The following ZHX2 variants were observed in gnomAD, a reference collection of about 807,000 sequenced individuals.
ZHX2 encodes the protein zinc fingers and homeoboxes protein 2.
Under a neutral mutation model 21.9 loss-of-function variants are expected in ZHX2, and 6 were observed. The ratio of observed to expected loss-of-function variants is 0.27; its 90% CI spans 0.15 to 0.54. The LOEUF is 0.54. ZHX2 is among the 20% of genes least tolerant of loss of function. ZHX2 has a pLI of 0.95. For missense variants in ZHX2, 908 were observed against 1,090.7 expected (o/e 0.83, Z 2.36); for synonymous variants, 434 against 437.1 (o/e 0.99, Z 0.09).
intron 1 of ZHX2, among the ~76,000 whole-genome samples, chr8:122,820,338 G>A (rs1035986263): frequency 1.3e-5 from 2 of 152,208 alleles, no homozygotes; most frequent in African/African-American, 4.8e-5. Context: ...GAGGCGAGGA[G>A]ATGGCCACAG....
chr8:122,876,695 C>T (rs924400350), intron 2 of ZHX2, among the ~76,000 whole-genome samples: 4 of 152,186 alleles, frequency 2.6e-5, no homozygotes, highest in Non-Finnish European at 4.4e-5. Flanking sequence ...CTTTGTACAC[C>T]GATCGGCTAA....
At chr8:122,965,767 T>C (rs1241074023) in intron 3 of ZHX2, among the ~76,000 whole-genome samples, 2 of 152,188 alleles carry the variant, frequency 1.3e-5, no homozygotes, top group African/African-American at 2.4e-5. Flanking sequence ...CCCACTATTA[T>C]TGAGTTGCTG....
At chr8:122,924,969 T>A (rs1820818246) in intron 2 of ZHX2, among the ~76,000 whole-genome samples, 1 of 152,200 alleles carries the variant, frequency 6.6e-6, no homozygotes, top group South Asian at 2.1e-4. Context: ...GTCAGTGACA[T>A]CTTGCTATTA....
chr8:122,939,542 C>T (rs1812790710), intron 2 of ZHX2, among the ~76,000 whole-genome samples: 1 of 152,120 alleles, frequency 6.6e-6, no homozygotes, highest in Non-Finnish European at 1.5e-5. Context: ...GAGTGCTGAG[C>T]TGGAGGCCTG....
chr8:122,897,078 T>C (rs958519011), intron 2 of ZHX2, among the ~76,000 whole-genome samples: 1 of 152,226 alleles, frequency 6.6e-6, no homozygotes, highest in Non-Finnish European at 1.5e-5. Flanking sequence ...CCTTGGCAAC[T>C]TGATAGACCC....
intron 1 of ZHX2, among the ~76,000 whole-genome samples, chr8:122,790,387 C>T (rs1008296018): frequency 6.6e-6 from 1 of 152,184 alleles, no homozygotes; most frequent in African/African-American, 2.4e-5. Flanking sequence ...CTTCCCTCCC[C>T]GCTTTGATTC....
intron 1 of ZHX2, among the ~76,000 whole-genome samples, chr8:122,791,826 C>G (rs920898790): frequency 6.7e-6 from 1 of 150,362 alleles, no homozygotes; most frequent in African/African-American, 2.5e-5. Flanking sequence ...GATCATGCCA[C>G]TGCACTCCAG....
At chr8:122,944,922 GC>G (rs1340647154) in intron 2 of ZHX2, among the ~76,000 whole-genome samples, 2 of 152,116 alleles carry the variant, frequency 1.3e-5, no homozygotes, top group Non-Finnish European at 2.9e-5. Context: ...ATGAGGGTGG[GC>G]CCTAATCCAA....
chr8:122,962,243 C>A (rs1476032586), intron 3 of ZHX2, among the ~76,000 whole-genome samples: 1 of 152,166 alleles, frequency 6.6e-6, no homozygotes, highest in African/African-American at 2.4e-5. Flanking sequence ...GTGTACACTG[C>A]ACCCAATGTG....
chr8:122,786,982 C>A (rs1044509318), intron 1 of ZHX2, among the ~76,000 whole-genome samples: 1 of 150,108 alleles, frequency 6.7e-6, no homozygotes, highest in Non-Finnish European at 1.5e-5. Flanking sequence ...TTCTCTAATG[C>A]CCCCACCCTA....
chr8:122,860,232 A>G (rs1237879616), intron 1 of ZHX2, among the ~76,000 whole-genome samples: 1 of 152,216 alleles, frequency 6.6e-6, no homozygotes, highest in Non-Finnish European at 1.5e-5. Context: ...AGCATGGGGA[A>G]AACCACGCTC....
chr8:122,867,097 G>A (rs1286280011), intron 2 of ZHX2, among the ~76,000 whole-genome samples: 2 of 151,992 alleles, frequency 1.3e-5, no homozygotes, highest in African/African-American at 4.8e-5. Context: ...GCCTCCCAAG[G>A]TGCTGGGGTT....
intron 1 of ZHX2, chr8:122,811,882 C>T (rs1295800792): frequency 6.6e-6 from 1 of 152,210 alleles, no homozygotes; most frequent in East Asian, 1.9e-4. Context: ...TTCAATAAAT[C>T]ACCAACTATC....
chr8:122,966,112 A>G (rs1299765986), intron 3 of ZHX2, among the ~76,000 whole-genome samples: 4 of 152,168 alleles, frequency 2.6e-5, no homozygotes, highest in South Asian at 2.1e-4. Flanking sequence ...TCTGCAATTC[A>G]GTATATTTTA....
chr8:122,900,676 T>G (rs1193170850), intron 2 of ZHX2, among the ~76,000 whole-genome samples: 2 of 152,174 alleles, frequency 1.3e-5, no homozygotes, highest in Admixed American at 1.3e-4. Flanking sequence ...AAGATGGTTG[T>G]TTTCCAAAGT....
chr8:122,830,876 T>G (rs1248091764), intron 1 of ZHX2, among the ~76,000 whole-genome samples: 4 of 152,138 alleles, frequency 2.6e-5, no homozygotes, highest in Non-Finnish European at 5.9e-5. Context: ...AAAAGGGAGA[T>G]GTTTTGTCCA....
At chr8:122,809,086 A>C (rs1398238495) in intron 1 of ZHX2, 1 of 152,224 alleles carries the variant, frequency 6.6e-6, no homozygotes, top group Non-Finnish European at 1.5e-5. Context: ...AGGTTCTTGG[A>C]AAGGAATGGA....
At chr8:122,875,403 C>T (rs1819548859) in intron 2 of ZHX2, among the ~76,000 whole-genome samples, 1 of 151,940 alleles carries the variant, frequency 6.6e-6, no homozygotes, top group East Asian at 1.9e-4. Context: ...CTGTCTGGCC[C>T]TTGACTGAAA....
At chr8:122,846,150 G>A (rs1425944658) in intron 1 of ZHX2, among the ~76,000 whole-genome samples, 3 of 152,160 alleles carry the variant, frequency 2.0e-5, no homozygotes, top group African/African-American at 7.2e-5. Flanking sequence ...GCAGAGAGGG[G>A]AGGAGGCATG....
Sources: allele counts gnomAD v4.1 joint callset (sites outside exome capture counted in the v4.1 genomes callset), GRCh38; gene constraint gnomAD v4.1.1; transcripts MANE v1.5; gene names NCBI Gene and HGNC (gene_info 2026-07-23, HGNC 2026-07-21).